The following DUX4 variants were observed in gnomAD, a reference collection of about 807,000 sequenced individuals.
The protein encoded by DUX4 is double homeobox protein 4.
At chr4:190,181,245 A>AT (rs1742557353) in intron 1 of DUX4, among the ~76,000 whole-genome samples, 1 of 148,434 alleles carries the variant, frequency 6.7e-6, no homozygotes, top group Non-Finnish European at 1.5e-5. Context: ...ATCCAAGACA[A>AT]GAGTCTGTCA....
downstream of DUX4, among the ~76,000 whole-genome samples, chr4:190,180,114 G>T (rs1742531873): frequency 5.9e-3 from 352 of 60,084 alleles, no homozygotes; most frequent in Middle Eastern, 0.026. Flanking sequence ...GCAGAAATAT[G>T]TGACAATGCC....
intron 1 of DUX4, among the ~76,000 whole-genome samples, chr4:190,181,101 CCTAGACA>C (rs1742545597): frequency 6.8e-6 from 1 of 148,032 alleles, no homozygotes; most frequent in Non-Finnish European, 1.5e-5. Context: ...TTAAGCAGAG[CCTAGACA>C]ATAGTTACAT....
At chr4:190,175,946 A>T (rs2126563368), downstream of DUX4, 2 of 110,884 alleles carry the variant, frequency 1.8e-5, 1 homozygote, top group South Asian at 6.5e-4. Flanking sequence ...ATCAGTGCAG[A>T]TGTGTTTCAG....
chr4:190,176,809 A>C (rs1236428133), downstream of DUX4, among the ~76,000 whole-genome samples: 19,872 of 58,842 alleles, frequency 0.34, 609 homozygotes, highest in Middle Eastern at 0.43. Context: ...ACAAGAGTTG[A>C]ATCACCTCAG....
At chr4:190,176,323 C>A (rs1371584225), downstream of DUX4, among the ~76,000 whole-genome samples, 53 of 109,244 alleles carry the variant, frequency 4.9e-4, 3 homozygotes, top group African/African-American at 6.7e-4. Context: ...AGAGCTTAGA[C>A]AAGTGTTACA....
At chr4:190,180,067 G>GGGCCTAGAGAAGAGTT, downstream of DUX4, among the ~76,000 whole-genome samples, 1 of 3,198 alleles carries the variant, frequency 3.1e-4, no homozygotes, top group East Asian at 8.6e-3. Flanking sequence ...CCCCATAGGC[G>GGGCCTAGAGAAGAGTT]AATCCAAGAC....
At chr4:190,177,416 AC>A (rs1742366173), downstream of DUX4, among the ~76,000 whole-genome samples, 8 of 143,140 alleles carry the variant, frequency 5.6e-5, no homozygotes, top group Non-Finnish European at 1.1e-4. Context: ...TCGAGTCTAG[AC>A]AAGAGTTACA....
rs1334655084 is a variant in DUX4, at chr4:190,175,222, C to A, written c.*174C>A. On this transcript the variant is annotated 3_prime_UTR_variant, in exon 1 of 2. Transcript: ENST00000565211. ...AGGCCCGGTGAGAGACTCCACTCCG[C>A]GGAGAACTGCCTTTCTTTCCTGGGC... The A allele has an allele frequency of 3.3e-3, 341 of 103,002 alleles. No individual in the cohort carries two copies. Among genetic ancestry groups the A allele is most frequent in the African/African-American group, 0.013 (287 of 21,848 alleles). The allele number at this position is 103,002 out of a possible 1,614,324, so 6.4% of individuals were successfully genotyped here.
chr4:190,177,227 C>A (rs1477964515), downstream of DUX4, among the ~76,000 whole-genome samples: 2 of 132,304 alleles, frequency 1.5e-5, no homozygotes, highest in East Asian at 2.6e-4. Flanking sequence ...GTTACATCAC[C>A]TGGGTGATCA....
At chr4:190,178,559 GC>G (rs1398486287), downstream of DUX4, among the ~76,000 whole-genome samples, 583 of 97,526 alleles carry the variant, frequency 6.0e-3, no homozygotes, top group Middle Eastern at 7.7e-3. Flanking sequence ...ATTTCACAAC[GC>G]CCCCTGTAGG....
downstream of DUX4, among the ~76,000 whole-genome samples, chr4:190,177,723 ATAT>A (rs1742382379): frequency 6.6e-5 from 10 of 150,720 alleles, no homozygotes; most frequent in Non-Finnish European, 1.0e-4. Context: ...CACTGCAGAG[ATAT>A]ATCACAATGC....
chr4:190,176,641 A>T (rs1170538628), downstream of DUX4, among the ~76,000 whole-genome samples: 4 of 117,044 alleles, frequency 3.4e-5, no homozygotes, highest in African/African-American at 5.3e-5. Context: ...TGTGTCACAA[A>T]GCCCCTGTAG....
chr4:190,180,108 A>C (rs1742531569), downstream of DUX4, among the ~76,000 whole-genome samples: 1 of 113,468 alleles, frequency 8.8e-6, no homozygotes, highest in Non-Finnish European at 1.8e-5. Context: ...ATCAGTGCAG[A>C]AATATGTGAC....
intron 1 of DUX4, among the ~76,000 whole-genome samples, chr4:190,181,407 TAA>T (rs1742569044): frequency 1.5e-3 from 1 of 670 alleles, no homozygotes; most frequent in African/African-American, 4.8e-3. Flanking sequence ...GGTTGATCAG[TAA>T]GAGATATTTC....
At chr4:190,178,210 AC>A, downstream of DUX4, among the ~76,000 whole-genome samples, 1 of 152,150 alleles carries the variant, frequency 6.6e-6, no homozygotes, top group Non-Finnish European at 1.5e-5. Flanking sequence ...GAGATATGTC[AC>A]AATGCCCCCT....
downstream of DUX4, among the ~76,000 whole-genome samples, chr4:190,180,005 T>TAGACC (rs1742524068): frequency 3.1e-5 from 4 of 128,806 alleles, no homozygotes; most frequent in African/African-American, 6.8e-5. Flanking sequence ...AGGCAGAGCT[T>TAGACC]AAACTAGAGT....
chr4:190,177,934 C>G (rs1742395690), downstream of DUX4, among the ~76,000 whole-genome samples: 2 of 147,678 alleles, frequency 1.4e-5, no homozygotes, highest in Admixed American at 1.4e-4. Flanking sequence ...GGAGATATGT[C>G]ACAATGTCTC....
downstream of DUX4, among the ~76,000 whole-genome samples, chr4:190,178,296 C>CAAAGCCTAGGTA (rs1742415896): frequency 7.5e-6 from 1 of 133,844 alleles, no homozygotes; most frequent in Non-Finnish European, 1.7e-5. Context: ...CCCCTGTAGG[C>CAAAGCCTAGGTA]AGAGCACAGA....
downstream of DUX4, among the ~76,000 whole-genome samples, chr4:190,179,274 A>ATATATGTCACAATGCCACTGTAGGCAGAG (rs1742484501): frequency 6.6e-6 from 1 of 150,818 alleles, no homozygotes. Context: ...GAGTTACATG[A>ATATATGTCACAATGCCACTGTAGGCAGAG]CCTGGGTGAT....
Sources: gnomAD v4.1 joint callset for allele counts (sites outside exome capture counted in the v4.1 genomes callset) on GRCh38, gnomAD v4.1.1 for gene constraint, MANE v1.5 for transcripts, NCBI Gene and HGNC (gene_info 2026-07-23, HGNC 2026-07-21) for gene names.